Variants in HAL observed in about 807,000 individuals in gnomAD.
HAL encodes histidine ammonia-lyase, also known as histidase.
Under a neutral mutation model 81.1 loss-of-function variants are expected in HAL, and 85 were observed. That is an observed-to-expected ratio of 1.05 (90% confidence interval 0.88 to 1.25). The LOEUF (loss-of-function observed/expected upper bound fraction) is 1.25, where lower values mean the gene tolerates loss of function less well. Ranked by LOEUF, HAL falls within the 50% of genes most tolerant of loss-of-function variation. The probability of loss-of-function intolerance (pLI) is 0.00; values close to 1 mark genes in which losing one functional copy is unlikely to be tolerated. For missense variants in HAL, 798 were observed against 836.6 expected (o/e 0.95, Z 0.57); for synonymous variants, 301 against 309.2 (o/e 0.97, Z 0.28).
In HAL at chr12:95,993,816, A is replaced by G. The variant is rs1220764432; in HGVS notation, c.507T>C (p.Gly169=). The change falls in exon 7 of 21, where the codon GGT becomes GGC. Residue 169 remains glycine (G), a synonymous_variant. Coordinates refer to ENST00000261208, the MANE Select transcript of HAL (RefSeq NM_002108.4). Reference sequence around the variant, plus strand: ...TTACAGTTCTGGCAAATTTCCCAAAACCTGTAGTAATACCGTAAACAACTA... The same window carrying G: ...TTACAGTTCTGGCAAATTTCCCAAAGCCTGTAGTAATACCGTAAACAACTA... ...EKTVVYGITT[G]FGKFARTVIP... is the part of the protein sequence containing the mutation. 3.8e-6 allele frequency: 6 copies of G among 1,581,242 alleles called. 1 individual carries two copies. In the African/African-American group the frequency reaches 4.0e-5, roughly 11 times the overall value.
chr12:95,978,856 G>C (rs12297099), intron 17 of HAL, among the ~76,000 whole-genome samples: 19,928 of 152,126 alleles, frequency 0.13, 1,583 homozygotes, highest in East Asian at 0.34. Context: ...TTTAAGAGTG[G>C]TCATGGGTGA....
At position 95,976,465 on chromosome 12, in the gene HAL, G is replaced by A; in HGVS notation, c.1797C>T (p.Asp599=). Residue 599 remains aspartate, a synonymous_variant, in exon 20 of 21, where the codon GAC becomes GAT. Transcript: ENST00000261208. ...PWIKDRFMAP[D]IEAAHRLLLE... ...GGAGCAGCCTGTGGGCTGCCTCGAT[G>A]TCCGGGGCCATGAAGCGATCTTTTA... 1 of 1,614,092 alleles carries A rather than the reference G, an allele frequency of 6.2e-7. No individual in the cohort carries two copies. The highest frequency in any genetic ancestry group is 8.5e-7 in the Non-Finnish European group (1 of 1,179,936).
intron 17 of HAL, 93 bp from the exon 18 acceptor site, chr12:95,978,171 A>T: frequency 1.1e-6 from 1 of 926,710 alleles, no homozygotes; most frequent in Non-Finnish European, 1.7e-6. Flanking sequence ...ACAGCATGGG[A>T]TACACTCTCC....
At chr12:95,979,871 A>C (rs79999017) in intron 17 of HAL, among the ~76,000 whole-genome samples, 12,108 of 152,284 alleles carry the variant, frequency 0.08, 763 homozygotes, top group East Asian at 0.32. Flanking sequence ...TCAGATCTTC[A>C]GATATTCATC....
chr12:95,992,633 C>T (rs1365107362), intron 9 of HAL, 47 bp downstream of exon 9: 5 of 1,545,422 alleles, frequency 3.2e-6, no homozygotes, highest in Non-Finnish European at 3.6e-6. Context: ...CCCTGTGGTA[C>T]ATGTCCAGCC....
chr12:95,988,290 C>A, intron 10 of HAL, 50 bp from the exon 11 acceptor site: 1 of 932,900 alleles, frequency 1.1e-6, no homozygotes, highest in East Asian at 2.4e-5. Context: ...AAATACTAGC[C>A]TATTTCCAAT....
chr12:95,987,127 C>T lies in HAL; in HGVS notation c.991G>A (p.Asp331Asn). ...TCAAGGGTCAGGGCTGCCACAATGT[C>T]AGCCTGCCGTGCAATAGCACTGGCT... ...ERASAIARQA[D>N]IVAALTLEVL... Residue 331 changes from aspartate to asparagine, a missense_variant, in exon 12 of 21, where the codon GAC (aspartate) becomes AAC (asparagine). Physicochemically the swap from Asp to Asn is conservative, Grantham distance 23 (BLOSUM62 1). Coordinates refer to ENST00000261208, the MANE Select transcript of HAL (RefSeq NM_002108.4). The T allele has an allele frequency of 6.2e-7, 1 of 1,613,658 alleles. No individual in the cohort carries two copies. The highest frequency in any genetic ancestry group is 8.5e-7 in the Non-Finnish European group (1 of 1,179,546).
rs1256449752 is a variant in HAL at position 95,976,706 on chromosome 12, A to G, written c.1655T>C (p.Val552Ala). The G allele has an allele frequency of 1.4e-5, 22 of 1,593,676 alleles. No homozygotes were observed. Among genetic ancestry groups the G allele is most frequent in the Non-Finnish European group, 1.9e-5 (22 of 1,161,466 alleles). Residue 552 changes from valine to alanine, a missense_variant and splice_region_variant, in exon 19 of 21, where the codon GTG (valine) becomes GCG (alanine). By Grantham distance (64) the Val-to-Ala change is moderately conservative. Coordinates refer to ENST00000261208, the MANE Select transcript of HAL (RefSeq NM_002108.4). ...ALRVIEHVEQVLAIELLAACQ... is the reference protein window; with the variant it reads ...ALRVIEHVEQALAIELLAACQ... The stretch of plus-strand genomic sequence containing the variant: ...GGCTGCAAGGAGCTCGATGGCCAGC[A>G]CTGAAACAAGAAATTCCAAGAGGGT...
In HAL at chr12:95,987,163, C is replaced by T. The variant is rs765616412; in HGVS notation, c.955G>A (p.Ala319Thr). Residue 319 changes from alanine (A) to threonine (T), a missense_variant, in exon 12 of 21, where the codon GCT becomes ACT. Coordinates refer to ENST00000261208, the MANE Select transcript of HAL (RefSeq NM_002108.4). ...TQMITSLGCE[A>T]VERASAIARQ... ...GCAATAGCACTGGCTCGCTCTACAG[C>T]TTCACAGCCCAGGGATGTGATCATC... 1.9e-6 allele frequency: 3 copies of T among 1,613,764 alleles called. No individual in the cohort carries two copies. The highest frequency in any genetic ancestry group is 2.5e-6 in the Non-Finnish European group (3 of 1,179,610).
Position 95,980,477 on chromosome 12 carries a change from A to T in HAL, c.1519+79T>A, listed in dbSNP as rs540186989. ...AAAAGTTAGATCTCACTCACAGACC[A>T]CATTTGATACTTCTAGGTGAAATGG... On this transcript the variant is annotated intron_variant, in intron 17 of 20. Coordinates refer to ENST00000261208, the MANE Select transcript of HAL (RefSeq NM_002108.4). 2.7e-5 allele frequency: 37 copies of T among 1,362,520 alleles called. No homozygotes were observed. In the South Asian group the frequency reaches 4.0e-4, roughly 15 times the overall value. 84.4% of individuals were successfully genotyped at this position (1,362,520 alleles called of 1,614,324 possible).
At position 95,985,985 on chromosome 12, in the gene HAL, G is replaced by T; in HGVS notation, c.1148-19C>A. ...TGACTCTCTGTGGAAGAGGTGGAGGGGATGAGACAGGGATCATGTTACCAA... is the reference window on the plus strand; with the variant it reads ...TGACTCTCTGTGGAAGAGGTGGAGGTGATGAGACAGGGATCATGTTACCAA... On this transcript the variant is annotated intron_variant, in intron 13 of 20. Coordinates refer to ENST00000261208, the MANE Select transcript of HAL (RefSeq NM_002108.4). 6.2e-7 allele frequency: 1 copy of T among 1,603,086 alleles called. No homozygotes were observed. Among genetic ancestry groups the T allele is most frequent in the Non-Finnish European group, 8.5e-7 (1 of 1,170,184 alleles).
chr12:95,980,812 CA>C lies in HAL; in HGVS notation c.1338del (p.Glu447AsnfsTer7), dbSNP rs1565987140. 1.3e-6 allele frequency: 2 copies of C among 1,594,276 alleles called. No individual in the cohort carries two copies. Among genetic ancestry groups the C allele is most frequent in the Non-Finnish European group, 1.7e-6 (2 of 1,162,202 alleles). On this transcript the variant is annotated frameshift_variant, in exon 16 of 21. Transcript: ENST00000261208. LOFTEE classifies it high-confidence loss of function. ...AAAAAGCTTACTTTGGCTGGGTATT[CA>C]CCATGGAAGTTTCCTCCAGAAACTG... ...GETVSGGNFH[G>X]EYPAKALDYL...
At chr12:95,982,535 T>C (rs141926772) in intron 15 of HAL, among the ~76,000 whole-genome samples, 1 of 152,348 alleles carries the variant, frequency 6.6e-6, no homozygotes, top group East Asian at 1.9e-4. Context: ...ATAGAGTTCA[T>C]AAAAACTACT....
At position 95,992,809 on chromosome 12, in the gene HAL, C is replaced by G. The variant is rs571746166; in HGVS notation, c.590-4G>C. On this transcript the variant is annotated splice_polypyrimidine_tract_variant and splice_region_variant and intron_variant, in intron 8 of 20. Transcript: ENST00000261208. ...GGACTTAGTGGTTTCCCAACACCTG[C>G]AAAACAGAATTGATGTTTTCTCCAA... 6.2e-7 allele frequency: 1 copy of G among 1,612,444 alleles called. No individual in the cohort carries two copies. The highest frequency in any genetic ancestry group is 8.5e-7 in the Non-Finnish European group (1 of 1,178,728).
intron 9 of HAL, among the ~76,000 whole-genome samples, chr12:95,990,746 T>A (rs1592849146): frequency 6.7e-6 from 1 of 149,796 alleles, no homozygotes; most frequent in South Asian, 2.1e-4. Flanking sequence ...GGAGTGGGGG[T>A]GGAGAGGAAG....
rs1950000632 is a variant in HAL at position 95,993,840 on chromosome 12, T to G, written c.485-2A>C. The G allele has an allele frequency of 1.3e-6, 2 of 1,551,284 alleles. No homozygotes were observed. The highest frequency in any genetic ancestry group is 1.8e-6 in the Non-Finnish European group (2 of 1,122,840). On this transcript the variant is annotated splice_acceptor_variant, in intron 6 of 20. Transcript: ENST00000261208. LOFTEE classifies it high-confidence loss of function. The stretch of plus-strand genomic sequence containing the variant: ...AACCTGTAGTAATACCGTAAACAAC[T>G]AGAATAAAAAGAGACATTATGCAAT...
intron 17 of HAL, among the ~76,000 whole-genome samples, chr12:95,979,708 T>C (rs1255387250): frequency 6.6e-6 from 1 of 152,238 alleles, no homozygotes; most frequent in Non-Finnish European, 1.5e-5. Context: ...GTGTTTTTGT[T>C]AAATTTGACA....
At chr12:95,974,899 C>A (rs1237916769) in intron 20 of HAL, among the ~76,000 whole-genome samples, 1 of 152,044 alleles carries the variant, frequency 6.6e-6, no homozygotes, top group Non-Finnish European at 1.5e-5. Flanking sequence ...GCCACCAGGC[C>A]CAGCTAATTT....
intron 18 of HAL, among the ~76,000 whole-genome samples, chr12:95,977,188 A>AT (rs1266603075): frequency 6.6e-6 from 1 of 152,112 alleles, no homozygotes; most frequent in Non-Finnish European, 1.5e-5. Context: ...CGGGGTGGGG[A>AT]TACTGGACTA....
Sources: gnomAD v4.1 joint callset for allele counts (sites outside exome capture counted in the v4.1 genomes callset) on GRCh38, gnomAD v4.1.1 for gene constraint, MANE v1.5 for transcripts, NCBI Gene and HGNC (gene_info 2026-07-23, HGNC 2026-07-21) for gene names.